CTDP1: variants seen among roughly 807,000 people sequenced by gnomAD.
CTDP1 encodes RNA polymerase II subunit A C-terminal domain phosphatase.
A neutral mutation model predicts 91.8 loss-of-function variants in CTDP1; 47 were observed. The observed-to-expected ratio is 0.51, with a 90% CI of 0.41 to 0.65. The LOEUF is 0.65. CTDP1 is among the 30% of genes least tolerant of loss of function. The pLI is 0.00. For missense variants in CTDP1, 1,272 were observed against 1,373.7 expected, an observed-to-expected ratio of 0.93 and a Z score of 1.17; for synonymous variants, 656 against 598.5, an observed-to-expected ratio of 1.10 and a Z score of -1.40.
At chr18:79,736,939 C>T (rs528920723) in intron 12 of CTDP1, among the ~76,000 whole-genome samples, 1 of 151,548 alleles carries the variant, frequency 6.6e-6, no homozygotes, top group South Asian at 2.1e-4. Flanking sequence ...CAGGCATGTA[C>T]GGGGTCTGTA....
rs193054292 is a variant in CTDP1, at chr18:79,700,650, G to A, written c.621+2662G>A. On this transcript the variant is annotated intron_variant, in intron 4 of 12. Coordinates refer to ENST00000613122, the MANE Select transcript of CTDP1 (RefSeq NM_004715.5). ...AAGTGAAGGTGAAGCAGCAGGTGCTGTTGGAGAAACTGCGGCAAGTTCCCC... is the reference window on the plus strand; with the variant it reads ...AAGTGAAGGTGAAGCAGCAGGTGCTATTGGAGAAACTGCGGCAAGTTCCCC... Among the ~76,000 whole-genome samples the A allele has an allele frequency of 2.3e-3, 347 of 152,388 alleles. 1 individual carries two copies. The highest frequency in any genetic ancestry group is 7.6e-3 in the African/African-American group (317 of 41,596).
intron 10 of CTDP1, among the ~76,000 whole-genome samples, chr18:79,718,976 C>G (rs2086276747): frequency 6.6e-6 from 1 of 152,160 alleles, no homozygotes; most frequent in Admixed American, 6.5e-5. Flanking sequence ...AGCACTGTCC[C>G]TGCGTGGGGA....
intron 4 of CTDP1, among the ~76,000 whole-genome samples, chr18:79,704,352 G>A (rs1599230934): frequency 1.3e-5 from 2 of 151,166 alleles, no homozygotes; most frequent in East Asian, 1.9e-4. Context: ...TCTGTCCCAC[G>A]TGGAGTGGTG....
intron 4 of CTDP1, chr18:79,703,718 A>G (rs2085905806): frequency 6.6e-6 from 1 of 152,280 alleles, no homozygotes; most frequent in Admixed American, 6.5e-5. Context: ...TGGTTAGCTC[A>G]TAGTTAGTGT....
chr18:79,680,709 T>C (rs1202570836), intron 1 of CTDP1: 1 of 153,912 alleles, frequency 6.5e-6, no homozygotes, highest in African/African-American at 2.4e-5. Context: ...TTGTAAAACC[T>C]GGTGCAGTTC....
chr18:79,738,245 G>A (rs574799062), intron 12 of CTDP1, among the ~76,000 whole-genome samples: 14 of 152,326 alleles, frequency 9.2e-5, no homozygotes, highest in Admixed American at 3.3e-4. Context: ...GGGCTGCTCC[G>A]AGGCCGTCCG....
intron 12 of CTDP1, among the ~76,000 whole-genome samples, chr18:79,737,195 C>T (rs924315013): frequency 6.6e-6 from 1 of 152,238 alleles, no homozygotes; most frequent in African/African-American, 2.4e-5. Context: ...TCACCTGCTC[C>T]TTGTGACTGG....
chr18:79,683,769 G>A (rs2085425243), intron 1 of CTDP1, among the ~76,000 whole-genome samples: 1 of 152,210 alleles, frequency 6.6e-6, no homozygotes, highest in African/African-American at 2.4e-5. Context: ...GAAAGTCTTG[G>A]GAAATCAGAT....
At chr18:79,702,352 A>G (rs1453254071) in intron 4 of CTDP1, among the ~76,000 whole-genome samples, 2 of 152,140 alleles carry the variant, frequency 1.3e-5, no homozygotes, top group African/African-American at 4.8e-5. Flanking sequence ...GCATTTTTTA[A>G]TCATAAAATT....
Position 79,714,982 on chromosome 18 carries a change from C to G in CTDP1, c.1522C>G (p.Pro508Ala). The part of the protein sequence containing the change: ...AQGSSLEPGR[P>A]AAPSLPGEAE... Reference sequence around the variant, plus strand: ...GGGCAGTTCCCTGGAGCCGGGGCGGCCTGCAGCACCGAGTCTCCCCGGAGA... The same window carrying G: ...GGGCAGTTCCCTGGAGCCGGGGCGGGCTGCAGCACCGAGTCTCCCCGGAGA... The change falls in exon 8 of 13, where the codon CCT (proline) becomes GCT (alanine). Residue 508 changes from proline (P) to alanine (A), a missense_variant. Physicochemically the swap from Pro to Ala is conservative, Grantham distance 27 (BLOSUM62 -1). Transcript: ENST00000613122. 1 of 1,574,970 alleles carries G rather than the reference C, an allele frequency of 6.3e-7. No homozygotes were observed.
chr18:79,689,956 A>G (rs1021736140), intron 1 of CTDP1, among the ~76,000 whole-genome samples: 5 of 152,144 alleles, frequency 3.3e-5, no homozygotes, highest in African/African-American at 1.2e-4. Flanking sequence ...CCTTGTCTGC[A>G]TAACGGATTC....
In CTDP1 at chr18:79,728,993, A is replaced by G. The variant is rs1036854570; in HGVS notation, c.2504A>G (p.Lys835Arg). ...GAGCAGCCTGGCCCTTCTAGAAGAA[A>G]GCGACAGCCCAGTATGTCTGAGACA... ...DGEQPGPSRR[K>R]RQPSMSETMP... The change falls in exon 11 of 13, where the codon AAG (lysine) becomes AGG (arginine). Residue 835 changes from lysine to arginine, a missense_variant. Physicochemically the swap from Lys to Arg is conservative, Grantham distance 26 (BLOSUM62 2). Transcript: ENST00000613122. 1.5e-5 allele frequency: 25 copies of G among 1,614,096 alleles called. No individual in the cohort carries two copies. The Admixed American group carries it at 3.3e-4, about 22-fold the overall frequency.
intron 12 of CTDP1, among the ~76,000 whole-genome samples, chr18:79,742,734 G>T (rs1296512002): frequency 6.6e-6 from 1 of 152,232 alleles, no homozygotes; most frequent in African/African-American, 2.4e-5. Context: ...GAGGTGGGCA[G>T]ATGACTTGAG....
Position 79,736,343 on chromosome 18 carries a change from G to A in CTDP1, c.2581-12G>A. On this transcript the variant is annotated splice_polypyrimidine_tract_variant and intron_variant, in intron 11 of 12. Coordinates refer to ENST00000613122, the MANE Select transcript of CTDP1 (RefSeq NM_004715.5). ...GAAGGAGGTCTGTCGCTGACTCTTG[G>A]CTGTTTGTCAGGTGGACGACATCCT... is the stretch of plus-strand genomic sequence containing the variant. 2 of 1,549,062 alleles carry A rather than the reference G, an allele frequency of 1.3e-6. No homozygotes were observed. The highest frequency in any genetic ancestry group is 1.7e-6 in the Non-Finnish European group (2 of 1,146,966).
chr18:79,679,946 C>T lies in CTDP1; in HGVS notation c.-2C>T. The T allele has an allele frequency of 7.2e-7, 1 of 1,382,624 alleles. No homozygotes were observed. The highest frequency in any genetic ancestry group is 1.5e-5 in the South Asian group (1 of 68,474). 85.6% of individuals were successfully genotyped at this position (1,382,624 alleles called of 1,614,324 possible). On this transcript the variant is annotated 5_prime_UTR_variant, in exon 1 of 13. Transcript: ENST00000613122. ...CGACCGCCCGCCCGCCCTCTGTCCG[C>T]GATGGAGGTGCCGGCCGCGGGTCGC...
chr18:79,738,513 C>T (rs1033104456), intron 12 of CTDP1, among the ~76,000 whole-genome samples: 20 of 152,244 alleles, frequency 1.3e-4, no homozygotes, highest in African/African-American at 4.3e-4. Flanking sequence ...TAGCAGGGGG[C>T]ACTCCAGGTA....
In CTDP1 at chr18:79,689,894, G is replaced by A. The variant is rs536445901; in HGVS notation, c.315-5331G>A. ...ACAAAACTTATCCCAGCTGTGGCCG[G>A]CGGGATCCCCGTGGTGCTGGTTCCC... On this transcript the variant is annotated intron_variant, in intron 1 of 12. Coordinates refer to ENST00000613122, the MANE Select transcript of CTDP1 (RefSeq NM_004715.5). Among the ~76,000 whole-genome samples the A allele has an allele frequency of 3.9e-5, 6 of 152,314 alleles. No homozygotes were observed. In the South Asian group the frequency reaches 1.2e-3, roughly 32 times the overall value.
chr18:79,731,230 G>C (rs1173866898), intron 11 of CTDP1, among the ~76,000 whole-genome samples: 1 of 152,230 alleles, frequency 6.6e-6, no homozygotes, highest in Non-Finnish European at 1.5e-5. Context: ...GTCAAGTGCA[G>C]CCCGTCAGGG....
At chr18:79,712,355 C>T (rs1053080222) in intron 6 of CTDP1, among the ~76,000 whole-genome samples, 6 of 152,212 alleles carry the variant, frequency 3.9e-5, no homozygotes, top group African/African-American at 1.4e-4. Context: ...GGTCTCAGCT[C>T]ACCACAGTCT....
Sources: gnomAD v4.1 joint callset for allele counts (sites outside exome capture counted in the v4.1 genomes callset) on GRCh38, gnomAD v4.1.1 for gene constraint, MANE v1.5 for transcripts, NCBI Gene and HGNC (gene_info 2026-07-23, HGNC 2026-07-21) for gene names.